PARD3: variants seen among roughly 807,000 people sequenced by gnomAD.
The protein encoded by PARD3 is par-3 family cell polarity regulator.
PARD3 carries 75 observed loss-of-function variants against 155.4 expected under a neutral mutation model. The observed-to-expected ratio is 0.48, with a 90% CI of 0.40 to 0.58. The LOEUF is 0.58. Among genes scored for constraint, PARD3 ranks in the 20% least tolerant of loss-of-function variants. PARD3 has a pLI of 0.00. For missense variants in PARD3, 1,642 were observed against 1,721.7 expected, an observed-to-expected ratio of 0.95 and a Z score of 0.82; for synonymous variants, 576 against 610.5, an observed-to-expected ratio of 0.94 and a Z score of 0.83.
chr10:34,589,665 A>G (rs2088479290), intron 2 of PARD3, among the ~76,000 whole-genome samples: 1 of 137,366 alleles, frequency 7.3e-6, no homozygotes, highest in East Asian at 2.1e-4. Flanking sequence ...AAAACCAAGC[A>G]TGTCAAAATA....
intron 1 of PARD3, among the ~76,000 whole-genome samples, chr10:34,789,503 G>T (rs774926723): frequency 6.6e-6 from 1 of 151,932 alleles, no homozygotes; most frequent in South Asian, 2.1e-4. Flanking sequence ...TTCAAGATCA[G>T]CCTGGGCAGC....
intron 2 of PARD3, among the ~76,000 whole-genome samples, chr10:34,663,159 T>C (rs1312155211): frequency 6.6e-6 from 1 of 152,036 alleles, no homozygotes; most frequent in African/African-American, 2.4e-5. Context: ...AATTTCATTG[T>C]ACATTTAAAA....
In PARD3 at chr10:34,798,364, GAGA is replaced by G. The variant is rs1429117989; in HGVS notation, c.120+16509_120+16511del. 2.2e-4 allele frequency among the ~76,000 whole-genome samples: 33 copies of G among 150,784 alleles called. No individual in the cohort carries two copies. In the East Asian group the frequency reaches 5.5e-3, roughly 25 times the overall value. ...AAGAAGGAGAAGGAGAAGGAGAAAG[GAGA>G]AGAAGAAATGAGAAGAAAGGAGGAG... is the stretch of plus-strand genomic sequence containing the variant. On this transcript the variant is annotated intron_variant, in intron 1 of 24. Transcript: ENST00000374788.
At chr10:34,665,852 GAA>G (rs2093445341) in intron 2 of PARD3, among the ~76,000 whole-genome samples, 41 of 133,302 alleles carry the variant, frequency 3.1e-4, no homozygotes, top group Admixed American at 2.9e-3. Context: ...GAACAGAACA[GAA>G]CAGAACAGAA....
At chr10:34,740,486 T>C (rs1382533307) in intron 1 of PARD3, among the ~76,000 whole-genome samples, 1 of 152,164 alleles carries the variant, frequency 6.6e-6, no homozygotes, top group Non-Finnish European at 1.5e-5. Flanking sequence ...CTGTGCCCGT[T>C]CCAACAAAAT....
intron 2 of PARD3, among the ~76,000 whole-genome samples, chr10:34,542,485 A>T (rs890223977): frequency 1.4e-4 from 22 of 152,156 alleles, no homozygotes; most frequent in Non-Finnish European, 2.6e-4. Flanking sequence ...CCAGTCCAAA[A>T]TGTCATTTAT....
intron 2 of PARD3, among the ~76,000 whole-genome samples, chr10:34,646,958 G>A (rs1261632622): frequency 2.6e-5 from 4 of 152,078 alleles, no homozygotes; most frequent in Non-Finnish European, 4.4e-5. Flanking sequence ...ATATACCTCT[G>A]ATGGTCTCAT....
intron 3 of PARD3, among the ~76,000 whole-genome samples, chr10:34,476,314 T>G (rs1345992173): frequency 2.6e-5 from 4 of 152,110 alleles, no homozygotes; most frequent in African/African-American, 9.7e-5. Context: ...TGCGAGTGTG[T>G]GGGGTAAAGA....
At chr10:34,114,630 C>A (rs1054849186) in intron 24 of PARD3, among the ~76,000 whole-genome samples, 44 of 152,306 alleles carry the variant, frequency 2.9e-4, no homozygotes, top group African/African-American at 1.0e-3. Context: ...CAGGCATGAG[C>A]CACTCTGCTC....
intron 2 of PARD3, among the ~76,000 whole-genome samples, chr10:34,542,234 T>TGTGTGTGTGTGTGTGTGTGTGCAC (rs143582528): frequency 7.5e-5 from 11 of 146,198 alleles, no homozygotes; most frequent in African/African-American, 1.5e-4. Flanking sequence ...TGTGTGTGTG[T>TGTGTGTGTGTGTGTGTGTGTGCAC]GTGTGCACAC....
Position 34,131,406 on chromosome 10 carries a change from C to A in PARD3, c.3540+57G>T, listed in dbSNP as rs546479726. 2.2e-5 allele frequency: 35 copies of A among 1,604,854 alleles called. No individual in the cohort carries two copies. In the East Asian group the frequency reaches 7.1e-4, roughly 33 times the overall value. ...GAGCATTGAGGTCATAGCTTAGTGG[C>A]CTTTGCTGCAGGGAAGTTGTAGGAC... On this transcript the variant is annotated intron_variant, in intron 23 of 24. Coordinates refer to ENST00000374788, the MANE Select transcript of PARD3 (RefSeq NM_001184785.2).
chr10:34,679,193 T>G (rs2093765475), intron 2 of PARD3, among the ~76,000 whole-genome samples: 1 of 152,112 alleles, frequency 6.6e-6, no homozygotes, highest in Non-Finnish European at 1.5e-5. Context: ...GGGGAACACA[T>G]TCCACCACCT....
At chr10:34,293,622 CT>C (rs147458273) in intron 20 of PARD3, among the ~76,000 whole-genome samples, 11,243 of 152,202 alleles carry the variant, frequency 0.074, 557 homozygotes, top group Non-Finnish European at 0.1. Flanking sequence ...TGGATCCTTT[CT>C]TTATGACTAT....
intron 22 of PARD3, 35 bp from the exon 23 acceptor site, chr10:34,131,618 C>T: frequency 6.2e-7 from 1 of 1,602,266 alleles, no homozygotes; most frequent in Non-Finnish European, 8.5e-7. Flanking sequence ...GAATACCCTT[C>T]AGAAATATTA....
chr10:34,188,309 T>C (rs541846283), intron 22 of PARD3, among the ~76,000 whole-genome samples: 1 of 152,326 alleles, frequency 6.6e-6, no homozygotes, highest in East Asian at 1.9e-4. Context: ...TTGGTTAGAA[T>C]CACTTGCAAT....
intron 1 of PARD3, among the ~76,000 whole-genome samples, chr10:34,781,123 C>G (rs543991008): frequency 4.6e-5 from 7 of 152,342 alleles, no homozygotes; most frequent in African/African-American, 1.4e-4. Context: ...ACCCCTCCCC[C>G]CTCTAGCCTG....
chr10:34,535,660 G>C (rs2083173592), intron 2 of PARD3, among the ~76,000 whole-genome samples: 1 of 151,944 alleles, frequency 6.6e-6, no homozygotes, highest in Non-Finnish European at 1.5e-5. Context: ...ATTTTTAGTA[G>C]AGACAGGGTT....
intron 20 of PARD3, among the ~76,000 whole-genome samples, chr10:34,306,002 T>G (rs1957389947): frequency 1.3e-5 from 2 of 151,846 alleles, no homozygotes; most frequent in Admixed American, 1.3e-4. Flanking sequence ...ATTAAAAAAA[T>G]TCAAAATTAA....
chr10:34,365,754 A>C (rs771656749), intron 12 of PARD3, among the ~76,000 whole-genome samples: 24 of 152,124 alleles, frequency 1.6e-4, no homozygotes, highest in Non-Finnish European at 2.9e-4. Context: ...CACCTGGCTA[A>C]TTTTTATGTT....
Sources: gnomAD v4.1 joint callset for allele counts (sites outside exome capture counted in the v4.1 genomes callset) on GRCh38, gnomAD v4.1.1 for gene constraint, MANE v1.5 for transcripts, NCBI Gene and HGNC (gene_info 2026-07-23, HGNC 2026-07-21) for gene names.